The following DEFB118 variants were observed in gnomAD, a reference collection of about 807,000 sequenced individuals.
DEFB118 encodes the protein defensin, beta 18.
A neutral mutation model predicts 2.8 loss-of-function variants in DEFB118; 3 were observed. The ratio of observed to expected loss-of-function variants is 1.09; its 90% CI spans 0.50 to 2.82. DEFB118 has a LOEUF of 2.82. Among genes scored for constraint, DEFB118 ranks in the 30% most tolerant of loss-of-function variants. The pLI, the probability that DEFB118 is intolerant of heterozygous loss-of-function variation, is 0.04. For missense variants in DEFB118, 159 were observed against 144.6 expected (o/e 1.10, Z -0.51); for synonymous variants, 63 against 53.5 (o/e 1.18, Z -0.78).
rs1484553907 is a variant in DEFB118, at chr20:31,368,623, A to G, written c.-28A>G. 1.6e-5 allele frequency: 26 copies of G among 1,612,312 alleles called. No individual in the cohort carries two copies. The highest frequency in any genetic ancestry group is 2.2e-5 in the Non-Finnish European group (26 of 1,178,706). ...TGCACACAGTATTCTGAACTCCTGG[A>G]TCTACCACCTCCTGCTTCCCAAGGA... is the stretch of plus-strand genomic sequence containing the variant. On this transcript the variant is annotated 5_prime_UTR_variant, in exon 1 of 2. Transcript: ENST00000253381.
intron 1 of DEFB118, among the ~76,000 whole-genome samples, chr20:31,371,206 C>T (rs1986203972): frequency 1.3e-5 from 2 of 152,114 alleles, no homozygotes; most frequent in Non-Finnish European, 2.9e-5. Context: ...ACAGGTCCTG[C>T]CTCTAAGCCT....
chr20:31,372,335 A>C (rs1986223686), intron 1 of DEFB118, among the ~76,000 whole-genome samples: 1 of 152,190 alleles, frequency 6.6e-6, no homozygotes, highest in Admixed American at 6.5e-5. Flanking sequence ...GTGGATCATG[A>C]GGTCAAGAGA....
intron 1 of DEFB118, among the ~76,000 whole-genome samples, chr20:31,369,256 C>G (rs1986170586): frequency 6.6e-6 from 1 of 152,098 alleles, no homozygotes; most frequent in Admixed American, 6.5e-5. Flanking sequence ...GTGAAGAGAG[C>G]CTGTTTCTCC....
intron 1 of DEFB118, among the ~76,000 whole-genome samples, chr20:31,369,062 T>C (rs1461751075): frequency 1.3e-5 from 2 of 152,206 alleles, no homozygotes; most frequent in African/African-American, 2.4e-5. Flanking sequence ...ATAGCTATAA[T>C]GAGGTTCTTT....
intron 1 of DEFB118, among the ~76,000 whole-genome samples, chr20:31,371,583 G>T (rs1052011380): frequency 1.3e-5 from 2 of 152,046 alleles, no homozygotes; most frequent in Non-Finnish European, 2.9e-5. Context: ...TGTTTCTCCT[G>T]TCTCAGCCTC....
rs1162983097 is a variant in DEFB118, at chr20:31,368,712, A to G, written c.58+4A>G. 11 of 1,613,210 alleles carry G rather than the reference A, an allele frequency of 6.8e-6. 2 individuals are homozygous for G. The South Asian group carries it at 1.1e-4, about 16-fold the overall frequency. ...CTCCTACCCCAAGTGATCCCAGGTA[A>G]TCAGAGGTCAGGGAAGATACAAAAA... On this transcript the variant is annotated splice_donor_region_variant and intron_variant, in intron 1 of 1. Transcript: ENST00000253381.
In DEFB118 at chr20:31,373,306, A is replaced by G; in HGVS notation, c.*136A>G. The G allele has an allele frequency of 1.3e-6, 1 of 756,498 alleles. No homozygotes were observed. Among genetic ancestry groups the G allele is most frequent in the South Asian group, 2.0e-5 (1 of 49,904 alleles). The allele number at this position is 756,498 out of a possible 1,614,324, so 46.9% of individuals were successfully genotyped here. A position where few individuals can be genotyped will look rare whatever the true frequency, so the allele number is the denominator to read the frequency against. On this transcript the variant is annotated 3_prime_UTR_variant, in exon 2 of 2. Transcript: ENST00000253381. ...TTCTATTAATAGAAACAGCTGTGTA[A>G]AGAAGTCTAAAATTTTCACTATTTC... is the stretch of plus-strand genomic sequence containing the variant.
At position 31,373,005 on chromosome 20, in the gene DEFB118, T is replaced by C. The variant is rs111581297; in HGVS notation, c.207T>C (p.Ser69=). Residue 69 remains serine (S), a synonymous_variant, in exon 2 of 2, where the codon TCT becomes TCC. Transcript: ENST00000253381. The part of the protein sequence containing the change: ...NEDHRRVPAT[S]PTPLSDSTPG... ...ACCACAGGCGAGTTCCTGCGACATC[T>C]CCCACACCCTTGAGTGACTCAACAC... The C allele has an allele frequency of 2.5e-6, 4 of 1,614,134 alleles. No homozygotes were observed. The East Asian group carries it at 8.9e-5, about 36-fold the overall frequency.
intron 1 of DEFB118, among the ~76,000 whole-genome samples, chr20:31,370,916 A>T (rs1477339512): frequency 6.6e-6 from 1 of 151,804 alleles, no homozygotes; most frequent in Non-Finnish European, 1.5e-5. Context: ...AAGCCTGGCT[A>T]CTTTTTGTAT....
chr20:31,372,149 C>T (rs1165484124), intron 1 of DEFB118, among the ~76,000 whole-genome samples: 1 of 152,194 alleles, frequency 6.6e-6, no homozygotes. Context: ...CTGCAATAAA[C>T]ATACACTACA....
intron 1 of DEFB118, among the ~76,000 whole-genome samples, chr20:31,372,061 T>A (rs920570467): frequency 6.6e-6 from 1 of 152,236 alleles, no homozygotes; most frequent in Non-Finnish European, 1.5e-5. Flanking sequence ...ATGGTGTATA[T>A]ATACCACATT....
intron 1 of DEFB118, among the ~76,000 whole-genome samples, chr20:31,369,773 G>A (rs937458810): frequency 6.6e-6 from 1 of 152,156 alleles, no homozygotes; most frequent in Non-Finnish European, 1.5e-5. Flanking sequence ...TGTTTGTAAA[G>A]TTGTATAGTT....
rs1426685649 is a variant in DEFB118 at position 31,373,757 on chromosome 20, A to AT, written c.*588dup. The AT allele has an allele frequency of 6.5e-6, 1 of 154,584 alleles. No individual in the cohort carries two copies. The highest frequency in any genetic ancestry group is 1.4e-5 in the Non-Finnish European group (1 of 69,628). The allele number at this position is 154,584 out of a possible 1,614,324, so 9.6% of individuals were successfully genotyped here. On this transcript the variant is annotated 3_prime_UTR_variant, in exon 2 of 2. Transcript: ENST00000253381. ...GTTGAAATGCTGTCGAAAAGCTTTT[A>AT]TGGCTCTGTAGACCCATCTTTTTGA...
chr20:31,371,205 G>T (rs1167363998), intron 1 of DEFB118, among the ~76,000 whole-genome samples: 1 of 152,052 alleles, frequency 6.6e-6, no homozygotes, highest in African/African-American at 2.4e-5. Flanking sequence ...GACAGGTCCT[G>T]CCTCTAAGCC....
intron 1 of DEFB118, among the ~76,000 whole-genome samples, chr20:31,372,131 G>T (rs181169130): frequency 6.6e-6 from 1 of 152,084 alleles, no homozygotes; most frequent in Non-Finnish European, 1.5e-5. Flanking sequence ...TTGCAGTTGC[G>T]AATTGTGCTG....
At chr20:31,368,743 G>A (rs774210132) in intron 1 of DEFB118, 35 bp downstream of exon 1, 1 of 1,597,596 alleles carries the variant, frequency 6.3e-7, no homozygotes, top group African/African-American at 1.3e-5. Flanking sequence ...AAAAATAGAG[G>A]TATAGTGGGT....
intron 1 of DEFB118, among the ~76,000 whole-genome samples, chr20:31,370,920 T>C (rs560848693): frequency 1.3e-5 from 2 of 152,018 alleles, no homozygotes; most frequent in South Asian, 4.2e-4. Flanking sequence ...CTGGCTACTT[T>C]TTGTATTTTT....
intron 1 of DEFB118, among the ~76,000 whole-genome samples, chr20:31,371,777 G>A (rs960053154): frequency 1.3e-5 from 2 of 152,020 alleles, no homozygotes; most frequent in African/African-American, 4.8e-5. Flanking sequence ...AGATTTTAGT[G>A]CACCCATCAC....
At position 31,373,031 on chromosome 20, in the gene DEFB118, C is replaced by T; in HGVS notation, c.233C>T (p.Pro78Leu). ...TSPTPLSDST[P>L]GIIDDILTVR... is the part of the protein sequence containing the mutation. The stretch of plus-strand genomic sequence containing the variant: ...CCCACACCCTTGAGTGACTCAACAC[C>T]AGGAATTATTGATGATATTTTAACA... The change falls in exon 2 of 2, where the codon CCA (proline) becomes CTA (leucine). Residue 78 changes from proline to leucine, a missense_variant. Physicochemically the swap from Pro to Leu is moderately conservative, Grantham distance 98. Transcript: ENST00000253381. The T allele has an allele frequency of 1.2e-6, 2 of 1,614,152 alleles. No individual in the cohort carries two copies. Among genetic ancestry groups the T allele is most frequent in the Non-Finnish European group, 1.7e-6 (2 of 1,180,038 alleles).
Sources: gnomAD v4.1 joint callset for allele counts (sites outside exome capture counted in the v4.1 genomes callset) on GRCh38, gnomAD v4.1.1 for gene constraint, MANE v1.5 for transcripts, NCBI Gene and HGNC (gene_info 2026-07-23, HGNC 2026-07-21) for gene names.